The following TAB2 variants were observed in gnomAD, a reference collection of about 807,000 sequenced individuals.
TAB2 encodes the protein TGF-beta-activated kinase 1 and MAP3K7-binding protein 2.
Under a neutral mutation model 65.0 loss-of-function variants are expected in TAB2, and 3 were observed. The ratio of observed to expected loss-of-function variants is 0.05; its 90% confidence interval spans 0.02 to 0.12. The LOEUF is 0.12. Ranked by LOEUF, TAB2 falls within the 10% of genes least tolerant of loss-of-function variation. The probability of loss-of-function intolerance (pLI) is 1.00; values close to 1 mark genes in which losing one functional copy is unlikely to be tolerated. For missense variants in TAB2, 623 were observed against 840.3 expected (o/e 0.74, Z 3.20); for synonymous variants, 298 against 285.1 (o/e 1.05, Z -0.46).
chr6:149,309,883 G>GGTGTGT lies in TAB2; in HGVS notation c.-120-68121_-120-68116dup, dbSNP rs59732519. ...CACACTGTGTGTGTGTGTGGGTGTG[G>GGTGTGT]GTGTGTGTGTGTGTGTGTGATTTTT... is the stretch of plus-strand genomic sequence containing the variant. On this transcript the variant is annotated intron_variant, in intron 1 of 1. Transcript: ENST00000606202. Among the ~76,000 whole-genome samples the GGTGTGT allele has an allele frequency of 3.6e-4, 54 of 149,464 alleles. No individual in the cohort carries two copies. In the East Asian group the frequency reaches 7.8e-3, roughly 22 times the overall value.
At chr6:149,333,182 T>C (rs560076540) in intron 1 of TAB2, among the ~76,000 whole-genome samples, 1 of 152,310 alleles carries the variant, frequency 6.6e-6, no homozygotes, top group Non-Finnish European at 1.5e-5. Flanking sequence ...CGAAAGTAAA[T>C]GAGCTTTTGG....
At chr6:149,406,814 G>T (rs1782680076) in intron 6 of TAB2, among the ~76,000 whole-genome samples, 1 of 152,108 alleles carries the variant, frequency 6.6e-6, no homozygotes, top group Non-Finnish European at 1.5e-5. Context: ...TGCCTCCCAG[G>T]TTCAAGCCAT....
At chr6:149,405,660 G>T (rs1481922657) in intron 6 of TAB2, among the ~76,000 whole-genome samples, 1 of 152,172 alleles carries the variant, frequency 6.6e-6, no homozygotes, top group Admixed American at 6.5e-5. Flanking sequence ...GACAAATACT[G>T]CATTATCTCA....
At chr6:149,400,379 T>C in intron 6 of TAB2, 1 of 1,613,018 alleles carries the variant, frequency 6.2e-7, no homozygotes, top group Non-Finnish European at 8.5e-7. Flanking sequence ...CTGAGGAGAC[T>C]CCGGTGTTCA....
At chr6:149,339,132 G>A (rs92605) in intron 1 of TAB2, among the ~76,000 whole-genome samples, 19,612 of 152,148 alleles carry the variant, frequency 0.13, 1,808 homozygotes, top group East Asian at 0.51. Flanking sequence ...TTGGGAGGCC[G>A]AGACGGGCGG....
At chr6:149,271,722 A>G (rs1778368505) in intron 1 of TAB2, among the ~76,000 whole-genome samples, 1 of 152,178 alleles carries the variant, frequency 6.6e-6, no homozygotes, top group African/African-American at 2.4e-5. Flanking sequence ...TACGTAGGGG[A>G]TCACATAGCA....
At chr6:149,234,063 A>G (rs1456767850) in intron 1 of TAB2, among the ~76,000 whole-genome samples, 4 of 152,136 alleles carry the variant, frequency 2.6e-5, no homozygotes, top group Non-Finnish European at 1.5e-5. Flanking sequence ...AATCAGTCAC[A>G]TTTTTGTCAT....
intron 6 of TAB2, among the ~76,000 whole-genome samples, chr6:149,404,334 GAATT>G (rs1782589508): frequency 6.6e-6 from 1 of 152,074 alleles, no homozygotes; most frequent in Non-Finnish European, 1.5e-5. Flanking sequence ...TGGATTGGAA[GAATT>G]AATATTATTA....
intron 1 of TAB2, among the ~76,000 whole-genome samples, chr6:149,238,599 C>G (rs1371897440): frequency 6.6e-6 from 1 of 152,182 alleles, no homozygotes; most frequent in East Asian, 1.9e-4. Flanking sequence ...ATCATGGCTC[C>G]CCGGCTCCTC....
chr6:149,341,875 C>A (rs1780140983), intron 1 of TAB2, among the ~76,000 whole-genome samples: 1 of 151,966 alleles, frequency 6.6e-6, no homozygotes, highest in Non-Finnish European at 1.5e-5. Context: ...GGATTAGTTT[C>A]TTAGGGAAAT....
intron 1 of TAB2, among the ~76,000 whole-genome samples, chr6:149,309,877 G>T (rs1035073959): frequency 1.8e-5 from 2 of 111,870 alleles, no homozygotes; most frequent in South Asian, 3.0e-4. Context: ...TGTGTGTGTG[G>T]GTGTGGGTGT....
chr6:149,402,099 A>G (rs993890647), intron 6 of TAB2, among the ~76,000 whole-genome samples: 2 of 152,050 alleles, frequency 1.3e-5, no homozygotes, highest in Admixed American at 6.5e-5. Context: ...AATAAGAATT[A>G]GAGCAAAAAT....
Position 149,276,709 on chromosome 6 carries a change from T to C in TAB2, c.-121+57933T>C, listed in dbSNP as rs9399684. On this transcript the variant is annotated intron_variant, in intron 1 of 1. Coordinates refer to the TAB2 transcript ENST00000606202. ...GAAAAATAGGCACCTTCATACATTG[T>C]TGTGAGAACATAAATTGGTAAAACC... 2.1e-4 allele frequency among the ~76,000 whole-genome samples: 32 copies of C among 152,334 alleles called. No homozygotes were observed. In the South Asian group the frequency reaches 3.9e-3, roughly 19 times the overall value.
intron 6 of TAB2, among the ~76,000 whole-genome samples, chr6:149,406,905 C>T (rs575265775): frequency 2.6e-5 from 4 of 152,096 alleles, no homozygotes; most frequent in South Asian, 4.2e-4. Context: ...TTAGTACAGA[C>T]GGGGTTTCTC....
chr6:149,224,499 T>C (rs775943888), intron 1 of TAB2, among the ~76,000 whole-genome samples: 7 of 152,190 alleles, frequency 4.6e-5, no homozygotes, highest in Non-Finnish European at 1.0e-4. Context: ...AACTCTGAAA[T>C]GATGGATCCT....
chr6:149,280,927 G>A (rs1264096304), intron 1 of TAB2, among the ~76,000 whole-genome samples: 19 of 54,160 alleles, frequency 3.5e-4, no homozygotes, highest in African/African-American at 1.2e-3. Flanking sequence ...ATGAGACCTC[G>A]TCTCAAAAAA....
upstream of TAB2, among the ~76,000 whole-genome samples, chr6:149,317,000 C>T (rs1012915935): frequency 2.0e-4 from 30 of 151,032 alleles, no homozygotes; most frequent in South Asian, 2.1e-4. Flanking sequence ...GCCTCCGCCG[C>T]GGGCCCACCT....
At chr6:149,368,452 G>C (rs749511093) in intron 1 of TAB2, among the ~76,000 whole-genome samples, 1 of 152,096 alleles carries the variant, frequency 6.6e-6, no homozygotes, top group Non-Finnish European at 1.5e-5. Flanking sequence ...ACCCTTTCCA[G>C]GAGTTTTAGC....
At chr6:149,401,165 G>A (rs971647165) in intron 6 of TAB2, 2 of 166,952 alleles carry the variant, frequency 1.2e-5, no homozygotes, top group Non-Finnish European at 2.9e-5. Flanking sequence ...TACATGTAGG[G>A]CAATCTGTCT....
Sources: allele counts gnomAD v4.1 joint callset (sites outside exome capture counted in the v4.1 genomes callset), GRCh38; gene constraint gnomAD v4.1.1; transcripts MANE v1.5; gene names NCBI Gene and HGNC (gene_info 2026-07-23, HGNC 2026-07-21).